Variants in BLTP1 observed in about 807,000 individuals in gnomAD.
The protein encoded by BLTP1 is bridge-like lipid transfer protein family member 1, also known as fragile site-associated protein.
At chr4:122,181,249 T>A in the BLTP1 span, 23 of 964,640 alleles carry the variant, frequency 2.4e-5, no homozygotes, top group South Asian at 5.3e-4. Context: ...TCTTTTTTTT[T>A]AAAAGAGCTA....
At chr4:122,306,473 A>T in the BLTP1 span, 35 of 682,904 alleles carry the variant, frequency 5.1e-5, no homozygotes, top group Non-Finnish European at 6.3e-5. Flanking sequence ...AGTAGACTAC[A>T]CAGTGGAGTC....
At chr4:122,253,473 A>G in the BLTP1 span, among the ~76,000 whole-genome samples, 3 of 152,272 alleles carry the variant, frequency 2.0e-5, no homozygotes, top group South Asian at 6.2e-4. Context: ...AGAATCCAGC[A>G]GAAATTCTAG....
At chr4:122,238,546 A>T in the BLTP1 span, among the ~76,000 whole-genome samples, 1 of 152,258 alleles carries the variant, frequency 6.6e-6, no homozygotes, top group Non-Finnish European at 1.5e-5. Flanking sequence ...CATTCAAGAT[A>T]TGAGGAAAGT....
At chr4:122,199,279 G>T in the BLTP1 span, 5 of 1,550,790 alleles carry the variant, frequency 3.2e-6, no homozygotes, top group East Asian at 1.1e-4. Context: ...TTGAGTGGTG[G>T]TAGGAGTTGG....
At chr4:122,169,976 A>T in the BLTP1 span, 1 of 985,302 alleles carries the variant, frequency 1.0e-6, no homozygotes, top group Non-Finnish European at 1.2e-6. Flanking sequence ...TTTAATGTAG[A>T]TGGCTAGTAT....
At chr4:122,299,393 A>G in the BLTP1 span, among the ~76,000 whole-genome samples, 3 of 152,212 alleles carry the variant, frequency 2.0e-5, no homozygotes, top group Non-Finnish European at 4.4e-5. Flanking sequence ...AAAGTCATTT[A>G]AGGAAAGTGA....
chr4:122,294,706 T>C, the BLTP1 span, among the ~76,000 whole-genome samples: 5 of 152,254 alleles, frequency 3.3e-5, no homozygotes, highest in South Asian at 1.0e-3. Context: ...GAGTGTCTGT[T>C]CTCTCCCAGA....
At chr4:122,178,378 T>G in the BLTP1 span, among the ~76,000 whole-genome samples, 2 of 152,194 alleles carry the variant, frequency 1.3e-5, no homozygotes, top group African/African-American at 4.8e-5. Flanking sequence ...GAAGCAGCAA[T>G]GAGGGAAATT....
At chr4:122,354,029 G>C in the BLTP1 span, 1 of 1,609,484 alleles carries the variant, frequency 6.2e-7, no homozygotes, top group Admixed American at 1.7e-5. Flanking sequence ...TTAAAATTTT[G>C]AGTCTTTGGA....
At chr4:122,281,500 T>G in the BLTP1 span, 1 of 1,530,672 alleles carries the variant, frequency 6.5e-7, no homozygotes, top group Non-Finnish European at 8.7e-7. Flanking sequence ...GTACGTCCTG[T>G]GTTTATTTTT....
the BLTP1 span, among the ~76,000 whole-genome samples, chr4:122,155,550 C>T: frequency 6.6e-6 from 1 of 152,240 alleles, no homozygotes; most frequent in Admixed American, 6.5e-5. Context: ...TCTCGAACTC[C>T]TAACCTCAAG....
chr4:122,195,048 C>CA, the BLTP1 span, among the ~76,000 whole-genome samples: 1 of 152,138 alleles, frequency 6.6e-6, no homozygotes, highest in Admixed American at 6.5e-5. Context: ...AGTTTCTGCA[C>CA]AAATACAAAC....
the BLTP1 span, chr4:122,220,441 C>A: frequency 6.2e-7 from 1 of 1,611,802 alleles, no homozygotes; most frequent in South Asian, 1.1e-5. Flanking sequence ...CCTGTCACCC[C>A]TGAATGTGTT....
chr4:122,201,101 C>T, the BLTP1 span: 5 of 1,612,416 alleles, frequency 3.1e-6, no homozygotes, highest in Non-Finnish European at 4.2e-6. Flanking sequence ...ACCACTTCAT[C>T]TTTGCACAGA....
At chr4:122,210,087 C>T in the BLTP1 span, 1 of 899,948 alleles carries the variant, frequency 1.1e-6, no homozygotes, top group Non-Finnish European at 1.3e-6. Flanking sequence ...TGAGCATTTA[C>T]TTTGTGTCAA....
the BLTP1 span, chr4:122,275,999 A>G: frequency 1.9e-6 from 3 of 1,581,990 alleles, no homozygotes; most frequent in Admixed American, 5.4e-5. Context: ...CATCTCCTAC[A>G]AGTACAGCCA....
At chr4:122,207,237 C>G in the BLTP1 span, 1 of 1,609,576 alleles carries the variant, frequency 6.2e-7, no homozygotes, top group Non-Finnish European at 8.5e-7. Context: ...ACAATTGGAT[C>G]GACTGTTCTA....
the BLTP1 span, chr4:122,196,646 G>A: frequency 6.2e-7 from 1 of 1,605,714 alleles, no homozygotes; most frequent in Non-Finnish European, 8.5e-7. Flanking sequence ...GATTGTTTGT[G>A]GAAGTTTTTC....
the BLTP1 span, chr4:122,201,891 C>G: frequency 1.0e-6 from 1 of 984,406 alleles, no homozygotes; most frequent in East Asian, 1.1e-4. Context: ...ATGCTGAGTA[C>G]TATTAGATAT....
Sources: allele counts gnomAD v4.1 joint callset (sites outside exome capture counted in the v4.1 genomes callset), GRCh38; gene constraint gnomAD v4.1.1; transcripts MANE v1.5; gene names NCBI Gene and HGNC (gene_info 2026-07-23, HGNC 2026-07-21).